Variants in MYPN observed in about 807,000 individuals in gnomAD.
MYPN encodes sarcomeric protein myopalladin, 145 kDa (MYOP).
MYPN carries 63 observed loss-of-function variants against 129.4 expected under a neutral mutation model. The observed-to-expected ratio is 0.49, with a 90% CI of 0.40 to 0.60. The LOEUF is 0.60. Ranked by LOEUF, MYPN falls within the 20% of genes least tolerant of loss-of-function variation. The pLI is 0.00. For synonymous variants in MYPN, 629 were observed against 600.9 expected, an observed-to-expected ratio of 1.05 and a Z score of -0.68; for missense variants, 1,596 against 1,635.4, an observed-to-expected ratio of 0.98 and a Z score of 0.42.
At chr10:68,135,935 C>T (rs751577892) in intron 2 of MYPN, among the ~76,000 whole-genome samples, 1 of 152,062 alleles carries the variant, frequency 6.6e-6, no homozygotes, top group African/African-American at 2.4e-5. Flanking sequence ...GAGGGAATAA[C>T]AGAAGTTGGG....
Position 68,211,318 on chromosome 10 carries a change from A to C in MYPN, c.*863A>C, listed in dbSNP as rs1402142548. 1 of 454,120 alleles carries C rather than the reference A, an allele frequency of 2.2e-6. No individual in the cohort carries two copies. The highest frequency in any genetic ancestry group is 7.0e-5 in the East Asian group (1 of 14,388). The allele number at this position is 454,120 out of a possible 1,614,324, so 28.1% of individuals were successfully genotyped here. ...AATGTGCAAGAGTCATCATTTGCCCATAAAATACACCTCATGGGCTCCTAC... is the reference window on the plus strand; with the variant it reads ...AATGTGCAAGAGTCATCATTTGCCCCTAAAATACACCTCATGGGCTCCTAC... On this transcript the variant is annotated 3_prime_UTR_variant, in exon 20 of 20. Coordinates refer to ENST00000358913, the MANE Select transcript of MYPN (RefSeq NM_032578.4).
At chr10:68,138,109 T>C (rs2042515591) in intron 2 of MYPN, among the ~76,000 whole-genome samples, 1 of 130,890 alleles carries the variant, frequency 7.6e-6, no homozygotes, top group Non-Finnish European at 1.6e-5. Flanking sequence ...TCTTTTTTCT[T>C]CTTTTTTTTT....
chr10:68,168,906 T>C (rs551046535), intron 10 of MYPN, among the ~76,000 whole-genome samples: 1 of 146,874 alleles, frequency 6.8e-6, no homozygotes, highest in East Asian at 2.0e-4. Flanking sequence ...GGTGGGAGAA[T>C]TGCTTGAACC....
chr10:68,134,003 T>C (rs2042448829), intron 2 of MYPN, among the ~76,000 whole-genome samples: 2 of 152,044 alleles, frequency 1.3e-5, no homozygotes, highest in Admixed American at 1.3e-4. Context: ...AGGCTCTAAA[T>C]TGAACAAATA....
intron 12 of MYPN, 87 bp from the exon 13 acceptor site, chr10:68,188,818 A>G: frequency 9.1e-7 from 1 of 1,093,130 alleles, no homozygotes; most frequent in Non-Finnish European, 1.4e-6. Context: ...TAACGTCTGA[A>G]TCTTAAAAAG....
intron 11 of MYPN, among the ~76,000 whole-genome samples, 189 bp from the exon 12 acceptor site, chr10:68,175,131 CAAA>C (rs34499359): frequency 5.9e-5 from 9 of 151,614 alleles, no homozygotes; most frequent in African/African-American, 2.2e-4. Context: ...GACTCTGTCT[CAAA>C]AAAAAAATTT....
intron 7 of MYPN, among the ~76,000 whole-genome samples, chr10:68,159,822 T>C (rs533298257): frequency 1.3e-5 from 2 of 152,234 alleles, no homozygotes; most frequent in Non-Finnish European, 2.9e-5. Context: ...ATAATGAACA[T>C]ATATAACTTT....
At chr10:68,094,697 A>C (rs891808147) in intron 1 of MYPN, among the ~76,000 whole-genome samples, 1 of 152,202 alleles carries the variant, frequency 6.6e-6, no homozygotes, top group African/African-American at 2.4e-5. Context: ...CCTCTGAAAC[A>C]ATGTCACTGG....
At chr10:68,173,238 G>A (rs892546585) in intron 10 of MYPN, among the ~76,000 whole-genome samples, 2 of 152,132 alleles carry the variant, frequency 1.3e-5, no homozygotes, top group Admixed American at 1.3e-4. Flanking sequence ...GTTAAGGTCG[G>A]CTCTAAAACA....
At chr10:68,093,743 C>A (rs144856262) in intron 1 of MYPN, among the ~76,000 whole-genome samples, 2 of 149,232 alleles carry the variant, frequency 1.3e-5, no homozygotes, top group African/African-American at 5.0e-5. Context: ...GGTGACAGAG[C>A]GAGACTCCGT....
intron 6 of MYPN, chr10:68,158,097 G>T: frequency 5.1e-6 from 1 of 194,496 alleles, no homozygotes; most frequent in Non-Finnish European, 1.1e-5. Context: ...GGGTGATCTG[G>T]CTGTGACATC....
Position 68,182,366 on chromosome 10 carries a change from TATATAACATATATAACAC to T in MYPN, c.2704-6533_2704-6516del, listed in dbSNP as rs1404457955. 6.6e-5 allele frequency among the ~76,000 whole-genome samples: 8 copies of T among 121,952 alleles called. 1 individual carries two copies. The highest frequency in any genetic ancestry group is 2.6e-4 in the South Asian group (1 of 3,820). The allele number at this position is 121,952 out of a possible 152,430, so 80.0% of individuals were successfully genotyped here. A position where few individuals can be genotyped will look rare whatever the true frequency, so the allele number is the denominator to read the frequency against. On this transcript the variant is annotated intron_variant, in intron 12 of 19. Coordinates refer to ENST00000358913, the MANE Select transcript of MYPN (RefSeq NM_032578.4). ...ATATATAACATATATATAACACATA[TATATAACATATATAACAC>T]ATATATAACATATATATAACACATA...
At chr10:68,161,885 G>A (rs568199143) in intron 8 of MYPN, 133 bp downstream of exon 8, 15 of 683,998 alleles carry the variant, frequency 2.2e-5, no homozygotes, top group African/African-American at 5.5e-5. Flanking sequence ...CAAATGGGCC[G>A]GGTGCAGTGG....
chr10:68,125,642 A>C (rs142851008), intron 2 of MYPN, among the ~76,000 whole-genome samples: 2 of 152,372 alleles, frequency 1.3e-5, no homozygotes, highest in African/African-American at 4.8e-5. Context: ...TTTTTATAGT[A>C]CAAACTTTAA....
upstream of MYPN, among the ~76,000 whole-genome samples, chr10:68,103,100 T>C (rs1480017435): frequency 5.9e-5 from 9 of 152,176 alleles, no homozygotes; most frequent in Admixed American, 2.6e-4. Flanking sequence ...AACAAAAAGA[T>C]TTTGCAGGTC....
At chr10:68,145,323 G>C in intron 3 of MYPN, 152 bp from the exon 4 acceptor site, 3 of 646,172 alleles carry the variant, frequency 4.6e-6, no homozygotes, top group Non-Finnish European at 8.0e-6. Flanking sequence ...CACGCCCGGC[G>C]TTACTGAGTT....
At chr10:68,200,828 TC>T (rs2043697872) in intron 17 of MYPN, among the ~76,000 whole-genome samples, 1 of 152,144 alleles carries the variant, frequency 6.6e-6, no homozygotes, top group Admixed American at 6.5e-5. Flanking sequence ...AGTGGCGGTT[TC>T]CCCTGTATAT....
chr10:68,130,678 C>T (rs565318516), intron 2 of MYPN, among the ~76,000 whole-genome samples: 6 of 151,574 alleles, frequency 4.0e-5, no homozygotes, highest in African/African-American at 1.5e-4. Context: ...TTTTGTAGTT[C>T]GCATCTAGTT....
chr10:68,100,046 T>C (rs1289647765), intron 1 of MYPN, among the ~76,000 whole-genome samples: 2 of 152,186 alleles, frequency 1.3e-5, no homozygotes, highest in African/African-American at 2.4e-5. Context: ...AAAAAGAGGA[T>C]AATGATATAG....
Sources: gnomAD v4.1 joint callset for allele counts (sites outside exome capture counted in the v4.1 genomes callset) on GRCh38, gnomAD v4.1.1 for gene constraint, MANE v1.5 for transcripts, NCBI Gene and HGNC (gene_info 2026-07-23, HGNC 2026-07-21) for gene names.